Variants in MGAT5B observed in about 807,000 individuals in gnomAD.
MGAT5B encodes the protein N-acetylglucosaminyl-transferase Vb.
Under a neutral mutation model 95.1 loss-of-function variants are expected in MGAT5B, and 54 were observed. The observed-to-expected ratio is 0.57, with a 90% confidence interval of 0.46 to 0.71. The LOEUF (loss-of-function observed/expected upper bound fraction) is 0.71, where lower values mean the gene tolerates loss of function less well. Ranked by LOEUF, MGAT5B falls within the 30% of genes least tolerant of loss-of-function variation. The probability of loss-of-function intolerance (pLI) is 0.00; values close to 1 mark genes in which losing one functional copy is unlikely to be tolerated. For missense variants in MGAT5B, 935 were observed against 1,088.6 expected (o/e 0.86, Z 1.99); for synonymous variants, 464 against 451.0 (o/e 1.03, Z -0.36).
chr17:76,923,577 C>T (rs1039425539), intron 8 of MGAT5B, among the ~76,000 whole-genome samples: 1 of 152,076 alleles, frequency 6.6e-6, no homozygotes, highest in Non-Finnish European at 1.5e-5. Context: ...GCTTGGGCAT[C>T]CCCCCTGCCC....
chr17:76,938,420 T>G lies in MGAT5B; in HGVS notation c.1584+277T>G, dbSNP rs539240926. Among the ~76,000 whole-genome samples, 48 of 152,070 alleles carry G rather than the reference T, an allele frequency of 3.2e-4. No homozygotes were observed. The highest frequency in any genetic ancestry group is 1.1e-3 in the African/African-American group (47 of 41,476). On this transcript the variant is annotated intron_variant, in intron 13 of 17. Coordinates refer to ENST00000569840, the MANE Select transcript of MGAT5B (RefSeq NM_001199172.2). The surrounding 1 kb of genome is among the most constrained non-coding windows in gnomAD (Gnocchi z 4.3). ...GGAAGTAGAGTTGGACTGCCCATCC[T>G]CCCCCTTGCAGTACCAGTCCAGCCA...
chr17:76,887,698 C>T (rs368994428), intron 3 of MGAT5B, among the ~76,000 whole-genome samples: 47 of 151,268 alleles, frequency 3.1e-4, no homozygotes, highest in African/African-American at 8.5e-4. Context: ...GGATTACAGG[C>T]GTGCACCACC....
chr17:76,893,873 C>A (rs1443461110), intron 3 of MGAT5B, among the ~76,000 whole-genome samples: 1 of 152,126 alleles, frequency 6.6e-6, no homozygotes, highest in Non-Finnish European at 1.5e-5. Flanking sequence ...GTCCTGATGT[C>A]CTGCCCCCAC....
At chr17:76,879,800 C>T (rs908901477) in intron 2 of MGAT5B, among the ~76,000 whole-genome samples, 1 of 152,078 alleles carries the variant, frequency 6.6e-6, no homozygotes, top group Non-Finnish European at 1.5e-5. Flanking sequence ...AAACCGTTGC[C>T]CCCGCCTCTG....
intron 3 of MGAT5B, among the ~76,000 whole-genome samples, chr17:76,893,565 A>G (rs1967959249): frequency 6.6e-6 from 1 of 152,236 alleles, no homozygotes; most frequent in Non-Finnish European, 1.5e-5. Flanking sequence ...GGGCATCTGC[A>G]CCAGCTGGAG....
chr17:76,925,855 C>T (rs1969296696), intron 9 of MGAT5B, among the ~76,000 whole-genome samples: 1 of 152,202 alleles, frequency 6.6e-6, no homozygotes, highest in African/African-American at 2.4e-5. Context: ...TCAGGTGCCC[C>T]TTCCAGGGAG....
intron 3 of MGAT5B, among the ~76,000 whole-genome samples, chr17:76,887,459 C>T (rs1967682898): frequency 8.7e-6 from 1 of 115,006 alleles, no homozygotes; most frequent in Admixed American, 8.4e-5. Flanking sequence ...TCCTTCCTCC[C>T]TCCCTCCCTC....
chr17:76,870,367 G>T lies in MGAT5B; in HGVS notation c.68+1270G>T, dbSNP rs1020249180. 6.6e-6 allele frequency among the ~76,000 whole-genome samples: 1 copy of T among 152,136 alleles called. No individual in the cohort carries two copies. ...CCGTGGGTGGTGATGGGGGCGTCGGGAGCCCATGGGAAGCAGGGCGGGAAG... is the reference window on the plus strand; with the variant it reads ...CCGTGGGTGGTGATGGGGGCGTCGGTAGCCCATGGGAAGCAGGGCGGGAAG... On this transcript the variant is annotated intron_variant, in intron 1 of 17. Transcript: ENST00000569840. This position sits in a 1 kb window ranked among gnomAD's most constrained non-coding sequence, Gnocchi z 5.0.
intron 9 of MGAT5B, 48 bp from the exon 10 acceptor site, chr17:76,926,549 C>A: frequency 6.4e-7 from 1 of 1,565,048 alleles, no homozygotes; most frequent in South Asian, 1.2e-5. Flanking sequence ...AGCCCAGGGA[C>A]ACACGGGGAG....
At chr17:76,932,877 C>T in intron 11 of MGAT5B, 102 bp downstream of exon 11, 2 of 1,484,312 alleles carry the variant, frequency 1.3e-6, no homozygotes, top group Admixed American at 2.5e-5. Flanking sequence ...CCTCCTCCCG[C>T]CCCAGCCCTG....
chr17:76,902,649 A>G lies in MGAT5B; in HGVS notation c.424A>G (p.Ser142Gly). Residue 142 changes from serine to glycine, a missense_variant, in exon 4 of 18, where the codon AGT becomes GGT. Transcript: ENST00000569840. Reference sequence around the variant, plus strand: ...GAAGGTGGACCAGATCCTGCGCCACAGTCTGCTCCTGCACAGCAAGGGTGG... The same window carrying G: ...GAAGGTGGACCAGATCCTGCGCCACGGTCTGCTCCTGCACAGCAAGGGTGG... Reference protein sequence around the residue: ...AVKVDQILRHSLLLHSKVSEG... With the variant: ...AVKVDQILRHGLLLHSKVSEG... 2 of 1,532,000 alleles carry G rather than the reference A, an allele frequency of 1.3e-6. No homozygotes were observed. Among genetic ancestry groups the G allele is most frequent in the Non-Finnish European group, 1.8e-6 (2 of 1,128,774 alleles). 94.9% of individuals were successfully genotyped at this position (1,532,000 alleles called of 1,614,324 possible).
intron 3 of MGAT5B, among the ~76,000 whole-genome samples, chr17:76,896,915 TTCTC>T (rs936522149): frequency 3.3e-5 from 5 of 151,930 alleles, no homozygotes; most frequent in African/African-American, 9.7e-5. Flanking sequence ...AACCTAGATT[TTCTC>T]TCTCTCTCTT....
rs1005713948 is a variant in MGAT5B at position 76,905,356 on chromosome 17, T to C, written c.855+23T>C. On this transcript the variant is annotated intron_variant, in intron 7 of 17. Coordinates refer to ENST00000569840, the MANE Select transcript of MGAT5B (RefSeq NM_001199172.2). The surrounding 1 kb of genome is among the most constrained non-coding windows in gnomAD (Gnocchi z 4.2). ...CAGGTGCGTGGCCCCTGCCCCCTCA[T>C]GTGCAGGAGCTGAGAAAGCTCAGGG... is the stretch of plus-strand genomic sequence containing the variant. 31 of 1,555,240 alleles carry C rather than the reference T, an allele frequency of 2.0e-5. No homozygotes were observed. The highest frequency in any genetic ancestry group is 3.8e-5 in the Admixed American group (2 of 52,020).
intron 3 of MGAT5B, among the ~76,000 whole-genome samples, chr17:76,883,635 C>T (rs516063): frequency 0.36 from 55,281 of 152,110 alleles, 12,429 homozygotes; most frequent in African/African-American, 0.61. Flanking sequence ...TCCAGGGAGA[C>T]GAGCTCCACT....
intron 3 of MGAT5B, among the ~76,000 whole-genome samples, chr17:76,891,868 T>A (rs1967882753): frequency 6.6e-6 from 1 of 151,904 alleles, no homozygotes; most frequent in South Asian, 2.1e-4. Context: ...GGGGCCAGCC[T>A]GGTGGCTTGG....
chr17:76,869,757 G>A lies in MGAT5B; in HGVS notation c.68+660G>A, dbSNP rs1365239180. On this transcript the variant is annotated intron_variant, in intron 1 of 17. Transcript: ENST00000569840. The surrounding 1 kb of genome is among the most constrained non-coding windows in gnomAD (Gnocchi z 7.0). The stretch of plus-strand genomic sequence containing the variant: ...ACGGGGCGGCTGGAGCCGAGGCTGC[G>A]GCGGAGCGTGGTGGGCGGGCGGTGG... Among the ~76,000 whole-genome samples, 1 of 152,206 alleles carries A rather than the reference G, an allele frequency of 6.6e-6. No individual in the cohort carries two copies. The highest frequency in any genetic ancestry group is 1.5e-5 in the Non-Finnish European group (1 of 68,024).
intron 4 of MGAT5B, among the ~76,000 whole-genome samples, chr17:76,902,989 T>TCCAA (rs74799319): frequency 0.13 from 20,308 of 151,996 alleles, 1,744 homozygotes; most frequent in African/African-American, 0.22. Flanking sequence ...AGCAGCGAGC[T>TCCAA]GGGGGCTGCA....
intron 11 of MGAT5B, 72 bp from the exon 12 acceptor site, chr17:76,933,220 T>C: frequency 1.3e-6 from 2 of 1,589,290 alleles, no homozygotes; most frequent in Non-Finnish European, 8.5e-7. Context: ...CTGCATGGGG[T>C]GTTGTCTGCG....
intron 3 of MGAT5B, among the ~76,000 whole-genome samples, chr17:76,898,197 C>T (rs1327658952): frequency 1.3e-5 from 2 of 152,196 alleles, no homozygotes; most frequent in African/African-American, 2.4e-5. Context: ...TTCTAGCACA[C>T]AAGATTTCCT....
Sources: gnomAD v4.1 joint callset for allele counts (sites outside exome capture counted in the v4.1 genomes callset) on GRCh38, gnomAD v4.1.1 for gene constraint, Gnocchi (gnomAD v3.1) non-coding constraint, MANE v1.5 for transcripts, NCBI Gene and HGNC (gene_info 2026-07-23, HGNC 2026-07-21) for gene names.